The following GABRB1 variants were observed in gnomAD, a reference collection of about 807,000 sequenced individuals.
GABRB1 encodes gamma-aminobutyric acid receptor subunit beta-1.
GABRB1 carries 17 observed loss-of-function variants against 51.6 expected under a neutral mutation model. The observed-to-expected ratio is 0.33, with a 90% confidence interval of 0.23 to 0.49. The LOEUF is 0.49. GABRB1 is among the 20% of genes least tolerant of loss of function. The pLI is 0.99. For missense variants in GABRB1, 410 were observed against 600.6 expected (o/e 0.68, Z 3.32); for synonymous variants, 247 against 218.9 (o/e 1.13, Z -1.14).
chr4:47,305,004 T>C (rs531741081), intron 4 of GABRB1, among the ~76,000 whole-genome samples: 1 of 152,204 alleles, frequency 6.6e-6, no homozygotes, highest in Admixed American at 6.5e-5. Context: ...CTCATTCATT[T>C]ATTCTTTTGG....
Position 47,206,886 on chromosome 4 carries a change from A to T in GABRB1, c.461+45417A>T, listed in dbSNP as rs561708469. Among the ~76,000 whole-genome samples, 401 of 151,702 alleles carry T rather than the reference A, an allele frequency of 2.6e-3. 2 individuals carry two copies. Among genetic ancestry groups the T allele is most frequent in the African/African-American group, 9.1e-3 (378 of 41,480 alleles). On this transcript the variant is annotated intron_variant, in intron 4 of 8. Transcript: ENST00000295454. ...TATATATGTGTGTGTGTATGTATAT[A>T]TATATGTATATGTGTGTGTGTTTAT...
chr4:47,417,312 T>G (rs1728960221), intron 8 of GABRB1, among the ~76,000 whole-genome samples: 1 of 151,874 alleles, frequency 6.6e-6, no homozygotes, highest in African/African-American at 2.4e-5. Flanking sequence ...ATAATATAAT[T>G]TATTTGTCTT....
intron 4 of GABRB1, among the ~76,000 whole-genome samples, chr4:47,195,842 A>C (rs1719663027): frequency 6.6e-6 from 1 of 152,224 alleles, no homozygotes; most frequent in African/African-American, 2.4e-5. Flanking sequence ...AGTCTTAAAC[A>C]CTTTAGATAC....
At chr4:47,407,990 G>T (rs111997502) in intron 8 of GABRB1, among the ~76,000 whole-genome samples, 13,485 of 152,220 alleles carry the variant, frequency 0.089, 631 homozygotes, top group South Asian at 0.14. Context: ...TACTTGGGAG[G>T]CTGAGATGGG....
intron 3 of GABRB1, among the ~76,000 whole-genome samples, chr4:47,067,417 T>C (rs116131745): frequency 7.3e-4 from 111 of 152,330 alleles, no homozygotes; most frequent in African/African-American, 2.6e-3. Flanking sequence ...ATGAGAGTTC[T>C]AGATGTCATC....
chr4:47,287,404 C>T (rs1374377461), intron 4 of GABRB1, among the ~76,000 whole-genome samples: 1 of 152,182 alleles, frequency 6.6e-6, no homozygotes, highest in Non-Finnish European at 1.5e-5. Flanking sequence ...ACACCTGATC[C>T]TATCAGGGTT....
At chr4:47,065,651 TA>T (rs987790328) in intron 3 of GABRB1, among the ~76,000 whole-genome samples, 3 of 152,378 alleles carry the variant, frequency 2.0e-5, no homozygotes, top group Admixed American at 1.3e-4. Flanking sequence ...GGGTGTAATA[TA>T]AACTTGCCAG....
intron 3 of GABRB1, among the ~76,000 whole-genome samples, chr4:47,105,324 C>G (rs1714914692): frequency 6.6e-6 from 1 of 152,078 alleles, no homozygotes. Flanking sequence ...CTCTCTCTCT[C>G]TTTCTCTGCT....
At chr4:47,074,004 A>G (rs2109551468) in intron 3 of GABRB1, among the ~76,000 whole-genome samples, 1 of 152,314 alleles carries the variant, frequency 6.6e-6, no homozygotes, top group Admixed American at 6.5e-5. Context: ...TATTAATATC[A>G]AGCCATCATT....
chr4:46,999,368 C>G (rs560573491), intron 1 of GABRB1, among the ~76,000 whole-genome samples: 102 of 152,230 alleles, frequency 6.7e-4, no homozygotes, highest in African/African-American at 2.4e-3. Flanking sequence ...TACCATATGA[C>G]CAAACCATCT....
At chr4:47,300,185 A>G (rs950507846) in intron 4 of GABRB1, among the ~76,000 whole-genome samples, 19 of 152,092 alleles carry the variant, frequency 1.2e-4, no homozygotes, top group African/African-American at 4.3e-4. Flanking sequence ...GCACATGTAT[A>G]CATATGTAAC....
At chr4:47,213,453 A>ACT (rs145868309) in intron 4 of GABRB1, among the ~76,000 whole-genome samples, 10 of 127,480 alleles carry the variant, frequency 7.8e-5, no homozygotes, top group East Asian at 2.3e-4. Flanking sequence ...TCTCTCTCTC[A>ACT]CTCTCTCTCT....
chr4:47,037,696 A>T (rs1395172419), intron 3 of GABRB1, among the ~76,000 whole-genome samples: 1 of 152,194 alleles, frequency 6.6e-6, no homozygotes, highest in Non-Finnish European at 1.5e-5. Context: ...ATGAAAATAA[A>T]TAGTAACTTA....
intron 3 of GABRB1, among the ~76,000 whole-genome samples, chr4:47,145,366 G>A (rs993334676): frequency 3.2e-4 from 48 of 151,974 alleles, no homozygotes; most frequent in African/African-American, 1.1e-3. Context: ...CTAAACTATA[G>A]GATCATTTAC....
chr4:47,320,062 G>T, intron 4 of GABRB1, 65 bp from the exon 5 acceptor site: 1 of 1,123,876 alleles, frequency 8.9e-7, no homozygotes, highest in South Asian at 1.2e-5. Context: ...TTGGGGCTAG[G>T]AAGCCTGGAA....
At chr4:47,033,596 G>T (rs1018077757) in intron 3 of GABRB1, among the ~76,000 whole-genome samples, 1 of 152,080 alleles carries the variant, frequency 6.6e-6, no homozygotes, top group Non-Finnish European at 1.5e-5. Context: ...GGCTATAAAG[G>T]CTATTGAATT....
At chr4:47,281,433 G>A (rs1045341336) in intron 4 of GABRB1, among the ~76,000 whole-genome samples, 2 of 152,150 alleles carry the variant, frequency 1.3e-5, no homozygotes, top group Non-Finnish European at 2.9e-5. Context: ...GGAAACCTTT[G>A]TACACTGTTG....
intron 5 of GABRB1, among the ~76,000 whole-genome samples, chr4:47,322,932 G>A (rs563567618): frequency 3.9e-5 from 6 of 152,090 alleles, no homozygotes; most frequent in South Asian, 2.1e-4. Context: ...TCACGCCACC[G>A]CACTCCAGCC....
At chr4:47,384,416 T>TA (rs59005369) in intron 5 of GABRB1, among the ~76,000 whole-genome samples, 20,395 of 122,254 alleles carry the variant, frequency 0.17, 1,561 homozygotes, top group African/African-American at 0.26. Flanking sequence ...CACACCAAAA[T>TA]AAAAAAAAAA....
Sources: gnomAD v4.1 joint callset for allele counts (sites outside exome capture counted in the v4.1 genomes callset) on GRCh38, gnomAD v4.1.1 for gene constraint, MANE v1.5 for transcripts, NCBI Gene and HGNC (gene_info 2026-07-23, HGNC 2026-07-21) for gene names.